OR56A1: variants seen among roughly 807,000 people sequenced by gnomAD.
The protein encoded by OR56A1 is olfactory receptor 56A1.
For missense variants in OR56A1, 360 were observed against 380.9 expected (o/e 0.94, Z 0.46); for synonymous variants, 174 against 159.1 (o/e 1.09, Z -0.70).
Position 6,022,571 on chromosome 11 carries a change from T to G in OR56A1, c.*4177A>C, listed in dbSNP as rs1337266752. The G allele has an allele frequency of 6.6e-6, 1 of 152,114 alleles. No homozygotes were observed. Among genetic ancestry groups the G allele is most frequent in the African/African-American group, 2.4e-5 (1 of 41,432 alleles). 9.4% of individuals were successfully genotyped at this position (152,114 alleles called of 1,614,324 possible). On this transcript the variant is annotated 3_prime_UTR_variant, in exon 2 of 2. Coordinates refer to ENST00000641900, the MANE Select transcript of OR56A1 (RefSeq NM_001388488.1). ...ACTACAAAGCTATCCAGTGAAAGAT[T>G]AAAAATATACCTCAATCCCTAGACT...
chr11:6,031,893 G>T (rs980376935), upstream of OR56A1, among the ~76,000 whole-genome samples: 2 of 152,040 alleles, frequency 1.3e-5, no homozygotes, highest in African/African-American at 4.8e-5. Context: ...TAACATTGAA[G>T]GGGTGGAAAA....
At chr11:6,032,334 G>A (rs577190677), upstream of OR56A1, among the ~76,000 whole-genome samples, 13 of 152,262 alleles carry the variant, frequency 8.5e-5, no homozygotes, top group South Asian at 6.2e-4. Flanking sequence ...CTTCACTGAG[G>A]AAGCCACTTC....
In OR56A1 at chr11:6,026,804, C is replaced by T. The variant is rs147087001; in HGVS notation, c.889G>A (p.Val297Ile). ...CCCTGTTTTATCTCTTTGGTCCGAA[C>T]CCCATACACAATAGGGTTCAATGCA... ...PPALNPIVYG[V>I]RTKEIKQGIQ... The change falls in exon 2 of 2, where the codon GTT becomes ATT. Residue 297 changes from valine to isoleucine, a missense_variant. Transcript: ENST00000641900. 16 of 1,613,524 alleles carry T rather than the reference C, an allele frequency of 9.9e-6. No homozygotes were observed. The African/African-American group carries it at 1.9e-4, about 19-fold the overall frequency.
chr11:6,029,050 G>T (rs766032984), intron 1 of OR56A1, among the ~76,000 whole-genome samples: 1 of 152,090 alleles, frequency 6.6e-6, no homozygotes, highest in Non-Finnish European at 1.5e-5. Flanking sequence ...GACAAATATT[G>T]CATGTTCTCA....
At chr11:6,030,982 G>C (rs1316830214), upstream of OR56A1, among the ~76,000 whole-genome samples, 2 of 152,162 alleles carry the variant, frequency 1.3e-5, no homozygotes, top group African/African-American at 4.8e-5. Context: ...AGACATATGA[G>C]CAGAATAATA....
At chr11:6,029,647 A>G (rs376814823) in intron 1 of OR56A1, among the ~76,000 whole-genome samples, 2 of 152,132 alleles carry the variant, frequency 1.3e-5, no homozygotes, top group African/African-American at 4.8e-5. Flanking sequence ...CCTAATTCAT[A>G]TATCACAGAC....
rs371296824 is a variant in OR56A1 at position 6,026,993 on chromosome 11, C to T, written c.700G>A (p.Glu234Lys). The T allele has an allele frequency of 3.1e-6, 5 of 1,614,034 alleles. No homozygotes were observed. Among genetic ancestry groups the T allele is most frequent in the Non-Finnish European group, 4.2e-6 (5 of 1,179,880 alleles). Residue 234 changes from glutamate to lysine, a missense_variant, in exon 2 of 2, where the codon GAG (glutamate) becomes AAG (lysine). Transcript: ENST00000641900. ...ILRAVLRFKA[E>K]GAAVKALSTC... ...CTCAGGGCCTTCACTGCCGCCCCCT[C>T]TGCTTTGAATCTAAGCACAGCTCTT...
rs891215115 is a variant in OR56A1 at position 6,025,777 on chromosome 11, C to T, written c.*971G>A. On this transcript the variant is annotated 3_prime_UTR_variant, in exon 2 of 2. Transcript: ENST00000641900. The stretch of plus-strand genomic sequence containing the variant: ...AAGTGGAGGTTTCTTCCCATAGATA[C>T]TGTTTATCTGTTACTTGAACCTCCT... 5.3e-5 allele frequency: 8 copies of T among 152,222 alleles called. No individual in the cohort carries two copies. The highest frequency in any genetic ancestry group is 2.9e-5 in the Non-Finnish European group (2 of 68,046). The allele number at this position is 152,222 out of a possible 1,614,324, so 9.4% of individuals were successfully genotyped here.
Position 6,027,698 on chromosome 11 carries a change from G to A in OR56A1, c.-6C>T, listed in dbSNP as rs1182694990. The A allele has an allele frequency of 6.3e-7, 1 of 1,574,858 alleles. No individual in the cohort carries two copies. The highest frequency in any genetic ancestry group is 8.6e-7 in the Non-Finnish European group (1 of 1,161,026). On this transcript the variant is annotated 5_prime_UTR_variant, in exon 2 of 2. The change creates a premature stop within an existing upstream ORF in the 5' untranslated region. Coordinates refer to ENST00000641900, the MANE Select transcript of OR56A1 (RefSeq NM_001388488.1). ...CTGTTGCTGGGTGACGCCATAGGCT[G>A]AATCATGAGCTGAGTAGGCTTCTGA...
At chr11:6,029,667 A>G (rs1216574407) in intron 1 of OR56A1, among the ~76,000 whole-genome samples, 4 of 152,158 alleles carry the variant, frequency 2.6e-5, no homozygotes, top group African/African-American at 7.2e-5. Flanking sequence ...CTTCTAGTTT[A>G]CCTTGTACCT....
At chr11:6,031,754 G>T (rs1848514966), upstream of OR56A1, among the ~76,000 whole-genome samples, 1 of 152,120 alleles carries the variant, frequency 6.6e-6, no homozygotes, top group African/African-American at 2.4e-5. Flanking sequence ...TTTGTTTTCG[G>T]CTGTTTCAAA....
rs1848431093 is a variant in OR56A1, at chr11:6,024,837, A to G, written c.*1911T>C. On this transcript the variant is annotated 3_prime_UTR_variant, in exon 2 of 2. Coordinates refer to ENST00000641900, the MANE Select transcript of OR56A1 (RefSeq NM_001388488.1). ...TCTATTAGAGAATTCTGTGCTTAAA[A>G]TATGACAAATACTGAGTTGAACCTG... The G allele has an allele frequency of 6.6e-6, 1 of 152,206 alleles. No homozygotes were observed. The highest frequency in any genetic ancestry group is 6.5e-5 in the Admixed American group (1 of 15,286). 9.4% of individuals were successfully genotyped at this position (152,206 alleles called of 1,614,324 possible). A position where few individuals can be genotyped will look rare whatever the true frequency, so the allele number is the denominator to read the frequency against.
intron 1 of OR56A1, 46 bp downstream of exon 1, chr11:6,030,656 C>T (rs1848503715): frequency 1.3e-5 from 2 of 152,208 alleles, no homozygotes; most frequent in African/African-American, 2.4e-5. Flanking sequence ...TCTGATCCCA[C>T]TTCTCTTGGA....
rs1443755684 is a variant in OR56A1, at chr11:6,026,118, C to T, written c.*630G>A. 1 of 152,280 alleles carries T rather than the reference C, an allele frequency of 6.6e-6. No homozygotes were observed. The highest frequency in any genetic ancestry group is 2.4e-5 in the African/African-American group (1 of 41,466). 9.4% of individuals were successfully genotyped at this position (152,280 alleles called of 1,614,324 possible). A position where few individuals can be genotyped will look rare whatever the true frequency, so the allele number is the denominator to read the frequency against. On this transcript the variant is annotated 3_prime_UTR_variant, in exon 2 of 2. Coordinates refer to ENST00000641900, the MANE Select transcript of OR56A1 (RefSeq NM_001388488.1). ...TCTGCATCCATCCTCACTTTCAAGA[C>T]TCTCTCTAAGGTGATGAGGCTGTAT...
upstream of OR56A1, among the ~76,000 whole-genome samples, chr11:6,033,850 C>T (rs1401691985): frequency 1.3e-5 from 2 of 152,286 alleles, no homozygotes; most frequent in Admixed American, 6.5e-5. Flanking sequence ...TTAAACTGCT[C>T]TTCTGAGACA....
In OR56A1 at chr11:6,021,958, C is replaced by T. The variant is rs1848401136; in HGVS notation, c.*4790G>A. 6.6e-6 allele frequency: 1 copy of T among 152,082 alleles called. No homozygotes were observed. The highest frequency in any genetic ancestry group is 2.4e-5 in the African/African-American group (1 of 41,428). 9.4% of individuals were successfully genotyped at this position (152,082 alleles called of 1,614,324 possible). ...ATCTGCTCCGCCATTAATAGAGAGA[C>T]AGAATATCACTGGTGAAAGAGAAAT... is the stretch of plus-strand genomic sequence containing the variant. On this transcript the variant is annotated 3_prime_UTR_variant, in exon 2 of 2. Coordinates refer to ENST00000641900, the MANE Select transcript of OR56A1 (RefSeq NM_001388488.1).
At position 6,022,884 on chromosome 11, in the gene OR56A1, G is replaced by A. The variant is rs996550497; in HGVS notation, c.*3864C>T. ...TACAGTACTCAGCCAAATGCTGATA[G>A]TGTAATATGTTATGAAACACTAAGG... On this transcript the variant is annotated 3_prime_UTR_variant, in exon 2 of 2. Coordinates refer to ENST00000641900, the MANE Select transcript of OR56A1 (RefSeq NM_001388488.1). 17 of 152,166 alleles carry A rather than the reference G, an allele frequency of 1.1e-4. No individual in the cohort carries two copies. The highest frequency in any genetic ancestry group is 4.4e-5 in the Non-Finnish European group (3 of 68,022). The allele number at this position is 152,166 out of a possible 1,614,324, so 9.4% of individuals were successfully genotyped here.
upstream of OR56A1, among the ~76,000 whole-genome samples, chr11:6,031,742 G>T (rs1177308999): frequency 6.6e-6 from 1 of 152,142 alleles, no homozygotes; most frequent in Non-Finnish European, 1.5e-5. Context: ...GCCACACATA[G>T]ATTTGTTTTC....
chr11:6,024,571 A>G lies in OR56A1; in HGVS notation c.*2177T>C, dbSNP rs1416549506. 6.6e-6 allele frequency: 1 copy of G among 152,228 alleles called. No homozygotes were observed. Among genetic ancestry groups the G allele is most frequent in the Non-Finnish European group, 1.5e-5 (1 of 68,036 alleles). The allele number at this position is 152,228 out of a possible 1,614,324, so 9.4% of individuals were successfully genotyped here. ...ATTATATTCCTATGAATTATATCCTATTAGATTCCTTTTTAAAAACTCACT... is the reference window on the plus strand; with the variant it reads ...ATTATATTCCTATGAATTATATCCTGTTAGATTCCTTTTTAAAAACTCACT... On this transcript the variant is annotated 3_prime_UTR_variant, in exon 2 of 2. Transcript: ENST00000641900.
Sources: gnomAD v4.1 joint callset for allele counts (sites outside exome capture counted in the v4.1 genomes callset) on GRCh38, gnomAD v4.1.1 for gene constraint, MANE v1.5 for transcripts, NCBI Gene and HGNC (gene_info 2026-07-23, HGNC 2026-07-21) for gene names.